CNTNAP4: variants seen among roughly 807,000 people sequenced by gnomAD.
The protein encoded by CNTNAP4 is contactin associated protein family member 4.
A neutral mutation model predicts 148.4 loss-of-function variants in CNTNAP4; 98 were observed. That is an observed-to-expected ratio of 0.66 (90% CI 0.56 to 0.78). The LOEUF (loss-of-function observed/expected upper bound fraction) is 0.78. Ranked by LOEUF, CNTNAP4 falls within the 30% of genes least tolerant of loss-of-function variation. The probability of loss-of-function intolerance (pLI) is 0.00; values close to 1 mark genes in which losing one functional copy is unlikely to be tolerated. For missense variants in CNTNAP4, 1,935 were observed against 1,565.6 expected (o/e 1.24, Z -3.98); for synonymous variants, 730 against 565.1 (o/e 1.29, Z -4.14).
intron 14 of CNTNAP4, 38 bp downstream of exon 14, chr16:76,495,104 C>A (rs919618034): frequency 1.9e-6 from 3 of 1,605,380 alleles, no homozygotes; most frequent in African/African-American, 1.3e-5. Flanking sequence ...AGAAAAAGTT[C>A]ATTTAAAAAA....
At chr16:76,296,631 C>G (rs769370866) in intron 1 of CNTNAP4, among the ~76,000 whole-genome samples, 1 of 151,170 alleles carries the variant, frequency 6.6e-6, no homozygotes, top group South Asian at 2.1e-4. Context: ...TCAAAATGGA[C>G]GAAAGAGAGA....
intron 3 of CNTNAP4, among the ~76,000 whole-genome samples, chr16:76,415,994 A>T: frequency 6.7e-6 from 1 of 148,474 alleles, no homozygotes; most frequent in African/African-American, 2.5e-5. Flanking sequence ...ATATTTCTTA[A>T]TTTTTGGCTT....
intron 1 of CNTNAP4, among the ~76,000 whole-genome samples, chr16:76,291,352 G>A (rs551962849): frequency 2.0e-5 from 3 of 152,272 alleles, no homozygotes; most frequent in Admixed American, 2.0e-4. Flanking sequence ...TCATCCATCA[G>A]CCACCACTGC....
chr16:76,441,172 G>C (rs2080023502), intron 4 of CNTNAP4, among the ~76,000 whole-genome samples: 1 of 152,022 alleles, frequency 6.6e-6, no homozygotes, highest in African/African-American at 2.4e-5. Context: ...TTGCATCTCA[G>C]GGTTGTGTGT....
intron 1 of CNTNAP4, among the ~76,000 whole-genome samples, chr16:76,312,233 A>G (rs1961203028): frequency 6.6e-6 from 1 of 152,190 alleles, no homozygotes; most frequent in Non-Finnish European, 1.5e-5. Flanking sequence ...GATTCAACCC[A>G]GTAGATGCCA....
In CNTNAP4 at chr16:76,479,757, TAATA is replaced by T. The variant is rs527829201; in HGVS notation, c.1882+223_1882+226del. On this transcript the variant is annotated intron_variant, in intron 12 of 23. Transcript: ENST00000611870. The stretch of plus-strand genomic sequence containing the variant: ...TGTGGCATCTGTGTAAAACATCTAA[TAATA>T]AATGTTTCCAATTATGTCCCCAAAC... Among the ~76,000 whole-genome samples, 773 of 152,256 alleles carry T rather than the reference TAATA, an allele frequency of 5.1e-3. 8 individuals are homozygous for T. The highest frequency in any genetic ancestry group is 0.018 in the African/African-American group (743 of 41,572).
rs972252476 is a variant in CNTNAP4, at chr16:76,448,173, C to T, written c.700C>T (p.Leu234=). 2 of 1,613,480 alleles carry T rather than the reference C, an allele frequency of 1.2e-6. No individual in the cohort carries two copies. Among genetic ancestry groups the T allele is most frequent in the African/African-American group, 1.3e-5 (1 of 75,018 alleles). ...REGPNGDHIT[L]QLRRARLFLL... ...AGGGCCAAATGGAGATCACATCACA[C>T]TGCAATTAAGAAGAGCAAGACTCTT... is the stretch of plus-strand genomic sequence containing the variant. The change falls in exon 5 of 24, where the codon CTG becomes TTG. Residue 234 remains leucine, a synonymous_variant. Coordinates refer to ENST00000611870, the MANE Select transcript of CNTNAP4 (RefSeq NM_033401.5).
chr16:76,543,575 G>A (rs2084554349), intron 21 of CNTNAP4, among the ~76,000 whole-genome samples: 1 of 152,224 alleles, frequency 6.6e-6, no homozygotes, highest in South Asian at 2.1e-4. Flanking sequence ...TACAGGGATG[G>A]AGAAAGAGAG....
At chr16:76,405,387 G>A (rs1216177359) in intron 3 of CNTNAP4, among the ~76,000 whole-genome samples, 1 of 152,058 alleles carries the variant, frequency 6.6e-6, no homozygotes, top group East Asian at 1.9e-4. Context: ...GTTGACTTTT[G>A]GATAACACAG....
chr16:76,406,941 G>A (rs1453760300), intron 3 of CNTNAP4, among the ~76,000 whole-genome samples: 1 of 152,108 alleles, frequency 6.6e-6, no homozygotes, highest in South Asian at 2.1e-4. Context: ...ATAGGTAAAG[G>A]TGGCTACACT....
At chr16:76,283,850 T>A (rs1031830950) in intron 1 of CNTNAP4, among the ~76,000 whole-genome samples, 1 of 151,986 alleles carries the variant, frequency 6.6e-6, no homozygotes, top group African/African-American at 2.4e-5. Context: ...TTCACTATCC[T>A]TTAAAAAATA....
At chr16:76,451,686 A>G (rs894048188) in intron 7 of CNTNAP4, among the ~76,000 whole-genome samples, 2 of 149,898 alleles carry the variant, frequency 1.3e-5, no homozygotes, top group African/African-American at 2.4e-5. Flanking sequence ...TTCACTCTTC[A>G]TTGGCAAGAG....
rs1408977385 is a variant in CNTNAP4 at position 76,452,680 on chromosome 16, T to C, written c.1244T>C (p.Ile415Thr). 1.2e-6 allele frequency: 2 copies of C among 1,613,638 alleles called. No homozygotes were observed. Among genetic ancestry groups the C allele is most frequent in the African/African-American group, 2.7e-5 (2 of 74,904 alleles). Residue 415 changes from isoleucine (I) to threonine (T), a missense_variant, in exon 8 of 24, where the codon ATT (isoleucine) becomes ACT (threonine). By Grantham distance (89) the Ile-to-Thr change is moderately conservative (BLOSUM62 -1). Transcript: ENST00000611870. ...CTGCTGTTCAGTGAACTTCAGCTGA[T>C]TTCAGGGGGTATCCTCCTCTTTCTG... is the stretch of plus-strand genomic sequence containing the variant. ...GLLLFSELQLISGGILLFLSD... is the reference protein window; with the variant it reads ...GLLLFSELQLTSGGILLFLSD...
At chr16:76,477,317 T>TC (rs1008662559) in intron 11 of CNTNAP4, among the ~76,000 whole-genome samples, 12 of 151,676 alleles carry the variant, frequency 7.9e-5, no homozygotes, top group East Asian at 1.9e-4. Flanking sequence ...AATGCCCATT[T>TC]CCCCCCCATT....
intron 4 of CNTNAP4, among the ~76,000 whole-genome samples, chr16:76,447,662 A>G (rs922070954): frequency 8.5e-5 from 13 of 152,312 alleles, no homozygotes; most frequent in African/African-American, 3.1e-4. Flanking sequence ...CTTTCAGTGC[A>G]GTATTCAATA....
intron 10 of CNTNAP4, among the ~76,000 whole-genome samples, chr16:76,470,733 G>GT (rs201482068): frequency 2.1e-4 from 30 of 142,146 alleles, no homozygotes; most frequent in Admixed American, 1.3e-3. Flanking sequence ...AATAATGCAG[G>GT]TTTTTAAAAA....
intron 15 of CNTNAP4, among the ~76,000 whole-genome samples, chr16:76,515,531 T>C (rs1226667904): frequency 6.6e-6 from 1 of 152,060 alleles, no homozygotes; most frequent in Non-Finnish European, 1.5e-5. Context: ...AAGAAACCAA[T>C]CCTACCAGCA....
At chr16:76,361,441 T>C (rs2013430108) in intron 3 of CNTNAP4, among the ~76,000 whole-genome samples, 2 of 152,254 alleles carry the variant, frequency 1.3e-5, no homozygotes, top group Non-Finnish European at 1.5e-5. Flanking sequence ...CTTAGCGTTA[T>C]GTCGTCAAAG....
At chr16:76,435,891 T>A (rs2079805461) in intron 4 of CNTNAP4, among the ~76,000 whole-genome samples, 1 of 152,108 alleles carries the variant, frequency 6.6e-6, no homozygotes, top group Admixed American at 6.6e-5. Flanking sequence ...CCTGATCTAA[T>A]TCTATGTTTC....
Sources: gnomAD v4.1 joint callset for allele counts (sites outside exome capture counted in the v4.1 genomes callset) on GRCh38, gnomAD v4.1.1 for gene constraint, MANE v1.5 for transcripts, NCBI Gene and HGNC (gene_info 2026-07-23, HGNC 2026-07-21) for gene names.